The following FMN1 variants were observed in gnomAD, a reference collection of about 807,000 sequenced individuals.
FMN1 encodes the protein formin 1.
Under a neutral mutation model 132.4 loss-of-function variants are expected in FMN1, and 110 were observed. The ratio of observed to expected loss-of-function variants is 0.83; its 90% CI spans 0.71 to 0.97. FMN1 has a LOEUF of 0.97. Among genes scored for constraint, FMN1 ranks in the 50% least tolerant of loss-of-function variants. FMN1 has a pLI of 0.00. For missense variants in FMN1, 1,792 were observed against 1,705.3 expected (o/e 1.05, Z -0.90); for synonymous variants, 722 against 651.7 (o/e 1.11, Z -1.64).
chr15:33,130,400 G>A (rs974060036), intron 4 of FMN1, among the ~76,000 whole-genome samples: 4 of 152,162 alleles, frequency 2.6e-5, no homozygotes, highest in African/African-American at 9.7e-5. Context: ...ATGAAACAAT[G>A]TAGAAATATC....
chr15:33,089,832 T>G (rs772190802), intron 4 of FMN1, among the ~76,000 whole-genome samples: 1 of 152,220 alleles, frequency 6.6e-6, no homozygotes, highest in Non-Finnish European at 1.5e-5. Context: ...GATGGCAATA[T>G]GTGTTCTATA....
At chr15:32,992,933 T>C (rs2033528778) in intron 7 of FMN1, among the ~76,000 whole-genome samples, 1 of 152,218 alleles carries the variant, frequency 6.6e-6, no homozygotes, top group Non-Finnish European at 1.5e-5. Flanking sequence ...TCACTAACTT[T>C]ATTTTTCATG....
At chr15:32,788,891 A>T (rs2056970711) in intron 19 of FMN1, among the ~76,000 whole-genome samples, 1 of 152,148 alleles carries the variant, frequency 6.6e-6, no homozygotes, top group African/African-American at 2.4e-5. Context: ...TTATTCCATT[A>T]ACTAATCTTT....
intron 19 of FMN1, among the ~76,000 whole-genome samples, chr15:32,795,571 C>G (rs1194357239): frequency 6.7e-6 from 1 of 149,274 alleles, no homozygotes; most frequent in Non-Finnish European, 1.5e-5. Context: ...GGCCCAAGAT[C>G]ACATAGCCAA....
In FMN1 at chr15:32,969,189, A is replaced by C; in HGVS notation, c.2512T>G (p.Leu838Val). Residue 838 changes from leucine (L) to valine (V), a missense_variant, in exon 8 of 21, where the codon TTA (leucine) becomes GTA (valine). Around this residue, in one of 3 missense-constraint regions of FMN1, gnomAD observed 1,150 missense variants for 1,043.1 expected, o/e 1.10. Coordinates refer to ENST00000616417, the MANE Select transcript of FMN1 (RefSeq NM_001277313.2). ...TCATTTGGGGGTGAGAGCTGGCTTA[A>C]AGAGGAGATATTCAGCTTTTTGGGT... Reference protein sequence around the residue: ...LVPKKLNISSLSQLSPPNDHK... With the variant: ...LVPKKLNISSVSQLSPPNDHK... The C allele has an allele frequency of 6.2e-7, 1 of 1,613,898 alleles. No individual in the cohort carries two copies. The highest frequency in any genetic ancestry group is 8.5e-7 in the Non-Finnish European group (1 of 1,179,872).
chr15:32,885,590 G>A (rs180973901), intron 16 of FMN1, among the ~76,000 whole-genome samples: 167 of 152,286 alleles, frequency 1.1e-3, no homozygotes, highest in Non-Finnish European at 2.1e-3. Flanking sequence ...ATTAAAAGAG[G>A]TGATATAGAT....
At position 32,766,387 on chromosome 15, in the gene FMN1, C is replaced by G. The variant is rs1258723; in HGVS notation, c.*7923G>C. ...CAGAATTAAGTCAATTTGTCCAGCACCACAGAAAGTTACTTGAGATTCAAA... is the reference window on the plus strand; with the variant it reads ...CAGAATTAAGTCAATTTGTCCAGCAGCACAGAAAGTTACTTGAGATTCAAA... On this transcript the variant is annotated 3_prime_UTR_variant, in exon 21 of 21. Coordinates refer to ENST00000616417, the MANE Select transcript of FMN1 (RefSeq NM_001277313.2). 0.92 allele frequency: 139,894 copies of G among 152,200 alleles called. 64,639 individuals are homozygous for G. The highest frequency in any genetic ancestry group is 0.97 in the Non-Finnish European group (65,897 of 68,036). The allele number at this position is 152,200 out of a possible 1,614,324, so 9.4% of individuals were successfully genotyped here. A position where few individuals can be genotyped will look rare whatever the true frequency, so the allele number is the denominator to read the frequency against.
intron 5 of FMN1, among the ~76,000 whole-genome samples, chr15:33,073,588 T>A (rs907868174): frequency 6.6e-6 from 1 of 152,074 alleles, no homozygotes. Context: ...GCTGAGGAAA[T>A]TATAACATCA....
Position 33,008,012 on chromosome 15 carries a change from A to C in FMN1, c.2223+2T>G. 1 of 1,596,878 alleles carries C rather than the reference A, an allele frequency of 6.3e-7. No individual in the cohort carries two copies. The highest frequency in any genetic ancestry group is 8.5e-7 in the Non-Finnish European group (1 of 1,169,932). On this transcript the variant is annotated splice_donor_variant, in intron 7 of 20. Transcript: ENST00000616417. LOFTEE classifies it high-confidence loss of function. ...CCGTTCAGTAGCATCAAAGAGGCAT[A>C]CCTGCAGGTTTTCAATTTCTTCTTT...
intron 4 of FMN1, among the ~76,000 whole-genome samples, chr15:33,128,830 CGCAAT>C (rs1413021258): frequency 2.1e-4 from 32 of 152,344 alleles, no homozygotes; most frequent in South Asian, 8.3e-4. Context: ...ACAAAGCCTC[CGCAAT>C]GCGGAAGACA....
At chr15:32,807,909 C>A (rs1448080164) in intron 17 of FMN1, among the ~76,000 whole-genome samples, 1 of 152,178 alleles carries the variant, frequency 6.6e-6, no homozygotes, top group Non-Finnish European at 1.5e-5. Context: ...GCTCTAACAG[C>A]ATGAAATATT....
At chr15:32,945,418 T>C (rs1184376264) in intron 9 of FMN1, among the ~76,000 whole-genome samples, 1 of 152,172 alleles carries the variant, frequency 6.6e-6, no homozygotes, top group Non-Finnish European at 1.5e-5. Flanking sequence ...AACCTCTAAA[T>C]AACAAAGTTT....
chr15:32,898,919 G>C, intron 14 of FMN1, 26 bp from the exon 15 acceptor site: 3 of 1,468,442 alleles, frequency 2.0e-6, no homozygotes, highest in Middle Eastern at 1.7e-4. Context: ...AAATGTACAT[G>C]AAAATCATTC....
intron 10 of FMN1, among the ~76,000 whole-genome samples, chr15:32,920,403 T>C (rs1280165916): frequency 6.6e-6 from 1 of 152,184 alleles, no homozygotes; most frequent in Non-Finnish European, 1.5e-5. Flanking sequence ...CCATTCTTCC[T>C]CTACAACCAA....
At chr15:33,086,426 T>TC (rs2038698053) in intron 5 of FMN1, among the ~76,000 whole-genome samples, 2 of 152,204 alleles carry the variant, frequency 1.3e-5, no homozygotes, top group East Asian at 1.9e-4. Flanking sequence ...GGTTTTTTTT[T>TC]CACTGTAACT....
chr15:33,143,954 G>A (rs886957782), intron 4 of FMN1, among the ~76,000 whole-genome samples: 1 of 152,074 alleles, frequency 6.6e-6, no homozygotes, highest in Non-Finnish European at 1.5e-5. Context: ...TATGTCTTGA[G>A]GTCCAAAACC....
chr15:32,929,757 A>C (rs541306569), intron 9 of FMN1, among the ~76,000 whole-genome samples: 1 of 140,352 alleles, frequency 7.1e-6, no homozygotes, highest in South Asian at 2.3e-4. Flanking sequence ...AGCAAATGAC[A>C]AGATTTCCTT....
intron 8 of FMN1, 73 bp from the exon 9 acceptor site, chr15:32,964,330 C>T (rs1447987339): frequency 9.5e-7 from 1 of 1,053,854 alleles, no homozygotes; most frequent in African/African-American, 1.6e-5. Context: ...AAATCTTTCT[C>T]TAATCCATTT....
rs1168256424 is a variant in FMN1 at position 33,125,012 on chromosome 15, T to A, written c.1867+28036A>T. ...ATATTCCTGGAATGTATAAAATCCCTTCTCGCATCCATGTCTACTCTATCA... is the reference window on the plus strand; with the variant it reads ...ATATTCCTGGAATGTATAAAATCCCATCTCGCATCCATGTCTACTCTATCA... On this transcript the variant is annotated intron_variant, in intron 4 of 20. Coordinates refer to ENST00000616417, the MANE Select transcript of FMN1 (RefSeq NM_001277313.2). 2.0e-5 allele frequency among the ~76,000 whole-genome samples: 3 copies of A among 152,154 alleles called. No homozygotes were observed. The East Asian group carries it at 5.8e-4, about 29-fold the overall frequency.
Sources: gnomAD v4.1 joint callset for allele counts (sites outside exome capture counted in the v4.1 genomes callset) on GRCh38, gnomAD v4.1.1 for gene constraint, gnomAD v4.1.1 regional missense constraint, MANE v1.5 for transcripts, NCBI Gene and HGNC (gene_info 2026-07-23, HGNC 2026-07-21) for gene names.